PLAU: variants seen among roughly 807,000 people sequenced by gnomAD.
PLAU encodes urokinase-type plasminogen activator.
A neutral mutation model predicts 48.9 loss-of-function variants in PLAU; 32 were observed. That is an observed-to-expected ratio of 0.65 (90% CI 0.49 to 0.88). The LOEUF is 0.88. PLAU is among the 40% of genes least tolerant of loss of function. PLAU has a pLI of 0.00. For missense variants in PLAU, 455 were observed against 545.2 expected (o/e 0.83, Z 1.65); for synonymous variants, 199 against 205.7 (o/e 0.97, Z 0.28).
At chr10:73,911,278 G>A (rs1044495454) in intron 1 of PLAU, 60 bp downstream of exon 1, 1 of 517,598 alleles carries the variant, frequency 1.9e-6, no homozygotes, top group Admixed American at 3.8e-5. Context: ...GCTCCCGAGC[G>A]TCTGCCTCCC....
chr10:73,912,713 T>C lies in PLAU; in HGVS notation c.194-211T>C, dbSNP rs543959601. ...TAAAAATGCAAAAATCAGCCTGGCA[T>C]GGTAGTGGATGCCTGTAGTCCCAGC... On this transcript the variant is annotated intron_variant, in intron 4 of 10. Transcript: ENST00000372764. Among the ~76,000 whole-genome samples the C allele has an allele frequency of 2.0e-5, 3 of 152,150 alleles. No homozygotes were observed. In the South Asian group the frequency reaches 6.2e-4, roughly 32 times the overall value.
chr10:73,913,670 A>T lies in PLAU; in HGVS notation c.592A>T (p.Arg198Trp), dbSNP rs752875420. 1 of 1,613,608 alleles carries T rather than the reference A, an allele frequency of 6.2e-7. No homozygotes were observed. Among genetic ancestry groups the T allele is most frequent in the African/African-American group, 1.3e-5 (1 of 74,812 alleles). Residue 198 changes from arginine (R) to tryptophan (W), a missense_variant, in exon 7 of 11, where the codon AGG becomes TGG. Transcript: ENST00000372764. ...ENQPWFAAIY[R>W]RHRGGSVTYV... ...CCAGCCCTGGTTTGCGGCCATCTAC[A>T]GGAGGCACCGGGGGGGCTCTGTCAC...
Position 73,911,532 on chromosome 10 carries a change from G to T in PLAU, c.-24G>T. On this transcript the variant is annotated 5_prime_UTR_variant, in exon 2 of 11. Transcript: ENST00000372764. ...CTTCTCCTTCCTTTGCAGAGCCGCC[G>T]TCTAGCGCCCCGACCTCGCCACCAT... 6.2e-7 allele frequency: 1 copy of T among 1,609,734 alleles called. No individual in the cohort carries two copies. The highest frequency in any genetic ancestry group is 8.5e-7 in the Non-Finnish European group (1 of 1,179,686).
At chr10:73,911,250 G>A (rs1391713828) in intron 1 of PLAU, 32 bp downstream of exon 1, 12 of 462,762 alleles carry the variant, frequency 2.6e-5, no homozygotes, top group Admixed American at 2.1e-4. Flanking sequence ...TCCCCGGGCC[G>A]GATGCGCGGC....
intron 4 of PLAU, among the ~76,000 whole-genome samples, 194 bp downstream of exon 4, chr10:73,912,516 C>G (rs568507000): frequency 6.6e-6 from 1 of 152,104 alleles, no homozygotes; most frequent in African/African-American, 2.4e-5. Flanking sequence ...GGAAGGAGAC[C>G]CTGTCCAGTC....
chr10:73,911,404 G>A, intron 1 of PLAU, 121 bp from the exon 2 acceptor site: 1 of 1,052,264 alleles, frequency 9.5e-7, no homozygotes, highest in Non-Finnish European at 1.4e-6. Flanking sequence ...CCGGAGCCCA[G>A]AGAGGAGAGA....
intron 1 of PLAU, 90 bp downstream of exon 1, chr10:73,911,308 C>A: frequency 1.7e-6 from 1 of 594,362 alleles, no homozygotes; most frequent in South Asian, 2.0e-5. Flanking sequence ...GCTGCCCGGG[C>A]TCCCTGGGCT....
Position 73,912,249 on chromosome 10 carries a change from G to A in PLAU, c.120G>A (p.Val40=). The part of the protein sequence containing the change: ...NCDCLNGGTC[V]SNKYFSNIHW... The stretch of plus-strand genomic sequence containing the variant: ...ACTGTCTAAATGGAGGAACATGTGT[G>A]TCCAACAAGTACTTCTCCAACATTC... The change falls in exon 4 of 11, where the codon GTG becomes GTA. Residue 40 remains valine, a synonymous_variant. Transcript: ENST00000372764. 1 of 1,614,126 alleles carries A rather than the reference G, an allele frequency of 6.2e-7. No individual in the cohort carries two copies. The highest frequency in any genetic ancestry group is 8.5e-7 in the Non-Finnish European group (1 of 1,180,032).
Position 73,916,747 on chromosome 10 carries a change from T to A in PLAU, c.*182T>A. On this transcript the variant is annotated 3_prime_UTR_variant, in exon 11 of 11. Transcript: ENST00000372764. ...TACCCTCAGGCATAGGCCTGGGTGC[T>A]GGCTGCCCAGACCCCTCTGGCCAGG... 1 of 604,548 alleles carries A rather than the reference T, an allele frequency of 1.7e-6. No individual in the cohort carries two copies. Among genetic ancestry groups the A allele is most frequent in the Non-Finnish European group, 2.9e-6 (1 of 344,898 alleles). The allele number at this position is 604,548 out of a possible 1,614,324, so 37.4% of individuals were successfully genotyped here.
chr10:73,912,119 T>C lies in PLAU; in HGVS notation c.85+51T>C. 3.1e-6 allele frequency: 5 copies of C among 1,607,776 alleles called. No individual in the cohort carries two copies. In the East Asian group the frequency reaches 6.7e-5, roughly 22 times the overall value. On this transcript the variant is annotated intron_variant, in intron 3 of 10. Transcript: ENST00000372764. ...GGCTGCACAGACAAGTTGGGAAGGC[T>C]TCAGGGGACATCCCCTCCCTGCCCT...
In PLAU at chr10:73,913,099, G is replaced by A; in HGVS notation, c.368+1G>A. ...GCCTGGGGAAACATAATTACTGCAGGTGAGGTGGGGGCAACAAGGACCAAA... is the reference window on the plus strand; with the variant it reads ...GCCTGGGGAAACATAATTACTGCAGATGAGGTGGGGGCAACAAGGACCAAA... On this transcript the variant is annotated splice_donor_variant, in intron 5 of 10. Coordinates refer to ENST00000372764, the MANE Select transcript of PLAU (RefSeq NM_002658.6). LOFTEE classifies it high-confidence loss of function. 2 of 1,612,868 alleles carry A rather than the reference G, an allele frequency of 1.2e-6. No individual in the cohort carries two copies. Among genetic ancestry groups the A allele is most frequent in the Non-Finnish European group, 1.7e-6 (2 of 1,179,352 alleles).
chr10:73,915,837 G>T (rs1032180668), intron 10 of PLAU, among the ~76,000 whole-genome samples: 1 of 152,166 alleles, frequency 6.6e-6, no homozygotes, highest in African/African-American at 2.4e-5. Context: ...GAAGGAGGCT[G>T]GCATATTCCG....
At chr10:73,910,451 A>T (rs992533712), upstream of PLAU, 1 of 152,278 alleles carries the variant, frequency 6.6e-6, no homozygotes, top group African/African-American at 2.4e-5. Context: ...AGCCCTGTCA[A>T]AAACGGACTT....
upstream of PLAU, among the ~76,000 whole-genome samples, chr10:73,908,846 A>T (rs891395449): frequency 8.3e-6 from 1 of 121,034 alleles, no homozygotes; most frequent in Non-Finnish European, 1.6e-5. Context: ...TGACAGACCG[A>T]GACTCCGTCT....
At chr10:73,911,363 C>T (rs1420508431) in intron 1 of PLAU, 145 bp downstream of exon 1, 9 of 764,544 alleles carry the variant, frequency 1.2e-5, no homozygotes, top group Non-Finnish European at 1.9e-5. Context: ...CCGGGCGTCC[C>T]CCGCGGGTGC....
In PLAU at chr10:73,913,554, C is replaced by T. The variant is rs2096129500; in HGVS notation, c.476C>T (p.Ser159Phe). 1 of 1,612,654 alleles carries T rather than the reference C, an allele frequency of 6.2e-7. No individual in the cohort carries two copies. Among genetic ancestry groups the T allele is most frequent in the Non-Finnish European group, 8.5e-7 (1 of 1,179,156 alleles). ...TGTCCTCCAGGAAAAAAGCCCTCCT[C>T]TCCTCCAGAAGAATTAAAATTTCAG... ...HDCADGKKPS[S>F]PPEELKFQCG... The change falls in exon 7 of 11, where the codon TCT becomes TTT. Residue 159 changes from serine to phenylalanine, a missense_variant. Transcript: ENST00000372764.
Position 73,913,294 on chromosome 10 carries a change from C to T in PLAU, c.373C>T (p.Pro125Ser). The T allele has an allele frequency of 6.2e-7, 1 of 1,614,082 alleles. No individual in the cohort carries two copies. Among genetic ancestry groups the T allele is most frequent in the Non-Finnish European group, 8.5e-7 (1 of 1,179,942 alleles). Residue 125 changes from proline (P) to serine (S), a missense_variant, in exon 6 of 11, where the codon CCA (proline) becomes TCA (serine). Physicochemically the swap from Pro to Ser is moderately conservative, Grantham distance 74. Transcript: ENST00000372764. Reference protein sequence around the residue: ...GLGKHNYCRNPDNRRRPWCYV... With the variant: ...GLGKHNYCRNSDNRRRPWCYV... ...CCTATCTTTCTGTGTTGCCAGGAACCCAGACAACCGGAGGCGACCCTGGTG... is the reference window on the plus strand; with the variant it reads ...CCTATCTTTCTGTGTTGCCAGGAACTCAGACAACCGGAGGCGACCCTGGTG...
intron 8 of PLAU, among the ~76,000 whole-genome samples, chr10:73,914,329 C>G (rs2096131781): frequency 6.6e-6 from 1 of 152,152 alleles, no homozygotes; most frequent in South Asian, 2.1e-4. Context: ...CTGGAGAGAC[C>G]CTGAATTTCC....
Position 73,916,386 on chromosome 10 carries a change from C to T in PLAU, c.1120-3C>T. ...CTCATCTTTTGTATCTTTGGCGTCA[C>T]AGGGAGACTCAGGGGGACCCCTCGT... On this transcript the variant is annotated splice_polypyrimidine_tract_variant and splice_region_variant and intron_variant, in intron 10 of 10. Coordinates refer to ENST00000372764, the MANE Select transcript of PLAU (RefSeq NM_002658.6). 1 of 1,611,920 alleles carries T rather than the reference C, an allele frequency of 6.2e-7. No individual in the cohort carries two copies. Among genetic ancestry groups the T allele is most frequent in the Non-Finnish European group, 8.5e-7 (1 of 1,178,928 alleles).
Sources: gnomAD v4.1 joint callset for allele counts (sites outside exome capture counted in the v4.1 genomes callset) on GRCh38, gnomAD v4.1.1 for gene constraint, MANE v1.5 for transcripts, NCBI Gene and HGNC (gene_info 2026-07-23, HGNC 2026-07-21) for gene names.